PHTF2: variants seen among roughly 807,000 people sequenced by gnomAD.
PHTF2 encodes putative homeodomain transcription factor 2, also known as protein PHTF2.
In PHTF2, 60 loss-of-function variants were observed where a neutral mutation model predicts 101.2. The observed-to-expected ratio is 0.59, with a 90% CI of 0.48 to 0.73. PHTF2 has a LOEUF of 0.73. Ranked by LOEUF, PHTF2 falls within the 30% of genes least tolerant of loss-of-function variation. The pLI is 0.00. For missense variants in PHTF2, 747 were observed against 908.7 expected, an observed-to-expected ratio of 0.82 and a Z score of 2.29; for synonymous variants, 311 against 307.3, an observed-to-expected ratio of 1.01 and a Z score of -0.13.
chr7:77,844,476 C>T (rs1166132547), intron 2 of PHTF2, among the ~76,000 whole-genome samples: 3 of 152,150 alleles, frequency 2.0e-5, no homozygotes, highest in Admixed American at 6.5e-5. Flanking sequence ...ATTATAAATG[C>T]GTACAGAAAT....
intron 1 of PHTF2, among the ~76,000 whole-genome samples, chr7:77,806,556 G>A (rs1173752557): frequency 6.6e-6 from 1 of 152,098 alleles, no homozygotes; most frequent in East Asian, 1.9e-4. Flanking sequence ...ATTTAAGTGA[G>A]TTTCTGACAG....
chr7:77,859,723 A>G (rs759054665), intron 3 of PHTF2, among the ~76,000 whole-genome samples: 4 of 151,802 alleles, frequency 2.6e-5, no homozygotes, highest in Non-Finnish European at 4.4e-5. Context: ...GCATGCACTA[A>G]CACACCTGGC....
intron 1 of PHTF2, among the ~76,000 whole-genome samples, chr7:77,807,215 G>C (rs1454800256): frequency 6.6e-6 from 1 of 152,134 alleles, no homozygotes; most frequent in Non-Finnish European, 1.5e-5. Context: ...ATATCTCTTT[G>C]AGACTCTGCT....
At chr7:77,814,471 T>G (rs1793688407) in intron 1 of PHTF2, among the ~76,000 whole-genome samples, 1 of 152,002 alleles carries the variant, frequency 6.6e-6, no homozygotes, top group Admixed American at 6.6e-5. Flanking sequence ...GTTCTTGCAC[T>G]TAGGAGCACT....
intron 1 of PHTF2, among the ~76,000 whole-genome samples, chr7:77,818,036 G>A (rs1793990863): frequency 6.6e-6 from 1 of 151,380 alleles, no homozygotes. Flanking sequence ...CTTCAAACTG[G>A]AAGGTGGAAG....
chr7:77,836,948 C>G (rs1055654602), intron 1 of PHTF2, among the ~76,000 whole-genome samples: 18 of 121,726 alleles, frequency 1.5e-4, no homozygotes, highest in Non-Finnish European at 2.9e-4. Context: ...ACATGTACCC[C>G]AAAACTTAAA....
At chr7:77,947,892 G>T (rs1806216021) in intron 16 of PHTF2, among the ~76,000 whole-genome samples, 1 of 122,376 alleles carries the variant, frequency 8.2e-6, no homozygotes, top group Non-Finnish European at 1.6e-5. Flanking sequence ...AGGCTGGAGT[G>T]CAGTGGCACG....
At chr7:77,817,473 C>T (rs150358100) in intron 1 of PHTF2, among the ~76,000 whole-genome samples, 3,158 of 152,236 alleles carry the variant, frequency 0.021, 92 homozygotes, top group African/African-American at 0.071. Flanking sequence ...CATCCTTCTT[C>T]ACATGGCAGC....
intron 3 of PHTF2, among the ~76,000 whole-genome samples, chr7:77,857,552 A>G (rs1319190374): frequency 6.6e-6 from 1 of 152,244 alleles, no homozygotes; most frequent in African/African-American, 2.4e-5. Context: ...TATATTCAGA[A>G]AATCACATGA....
chr7:77,881,520 G>T (rs116316242), intron 3 of PHTF2, among the ~76,000 whole-genome samples: 3,486 of 136,214 alleles, frequency 0.026, 58 homozygotes, highest in Middle Eastern at 0.071. Context: ...GGCTGGTTTT[G>T]TTTTTTTTTT....
At chr7:77,890,872 TGG>T (rs1800335818) in intron 3 of PHTF2, among the ~76,000 whole-genome samples, 1 of 150,350 alleles carries the variant, frequency 6.7e-6, no homozygotes, top group African/African-American at 2.5e-5. Flanking sequence ...CCCAAAGTGC[TGG>T]GATTACAGGC....
chr7:77,863,391 G>A (rs1335436169), intron 3 of PHTF2, among the ~76,000 whole-genome samples: 1 of 152,162 alleles, frequency 6.6e-6, no homozygotes, highest in Non-Finnish European at 1.5e-5. Context: ...GTAGGCAGCA[G>A]GGTGTATTTC....
At chr7:77,928,704 A>G (rs4729881) in intron 11 of PHTF2, among the ~76,000 whole-genome samples, 1 of 152,106 alleles carries the variant, frequency 6.6e-6, no homozygotes, top group African/African-American at 2.4e-5. Flanking sequence ...CTATCTGCAG[A>G]TGTGGAATGC....
At chr7:77,822,602 G>A (rs1794378688) in intron 1 of PHTF2, among the ~76,000 whole-genome samples, 2 of 152,168 alleles carry the variant, frequency 1.3e-5, no homozygotes, top group African/African-American at 4.8e-5. Context: ...GGCAGTGGGG[G>A]CTGGTAGGGA....
At chr7:77,896,091 G>A (rs1800851017) in intron 5 of PHTF2, 1 of 152,016 alleles carries the variant, frequency 6.6e-6, no homozygotes, top group Non-Finnish European at 1.5e-5. Flanking sequence ...CTAGATAGTG[G>A]TAATGATTGC....
At chr7:77,852,865 A>G (rs189317193) in intron 2 of PHTF2, among the ~76,000 whole-genome samples, 43 of 152,348 alleles carry the variant, frequency 2.8e-4, no homozygotes, top group African/African-American at 1.0e-3. Flanking sequence ...ATTAAAGGAT[A>G]AAAGTTTTTT....
intron 12 of PHTF2, among the ~76,000 whole-genome samples, chr7:77,931,361 C>A (rs1375052862): frequency 6.6e-6 from 1 of 152,140 alleles, no homozygotes; most frequent in Non-Finnish European, 1.5e-5. Flanking sequence ...CACAGTGTTA[C>A]TACATACAGG....
At chr7:77,846,546 T>C (rs1401504049) in intron 2 of PHTF2, among the ~76,000 whole-genome samples, 3 of 93,564 alleles carry the variant, frequency 3.2e-5, no homozygotes, top group East Asian at 2.7e-4. Context: ...TCCCTTCCCT[T>C]CCCTCCCCTC....
At chr7:77,847,339 G>A (rs973918047) in intron 2 of PHTF2, among the ~76,000 whole-genome samples, 1 of 152,160 alleles carries the variant, frequency 6.6e-6, no homozygotes, top group Non-Finnish European at 1.5e-5. Flanking sequence ...TTTCTTGAAT[G>A]TAATTTTAAA....
Sources: gnomAD v4.1 joint callset for allele counts (sites outside exome capture counted in the v4.1 genomes callset) on GRCh38, gnomAD v4.1.1 for gene constraint, MANE v1.5 for transcripts, NCBI Gene and HGNC (gene_info 2026-07-23, HGNC 2026-07-21) for gene names.